PLXNA2: variants seen among roughly 807,000 people sequenced by gnomAD.
PLXNA2 encodes the protein plexin-A2.
Under a neutral mutation model 193.5 loss-of-function variants are expected in PLXNA2, and 91 were observed. That is an observed-to-expected ratio of 0.47 (90% CI 0.40 to 0.56). The LOEUF (loss-of-function observed/expected upper bound fraction) is 0.56, where lower values mean the gene tolerates loss of function less well. Among genes scored for constraint, PLXNA2 ranks in the 20% least tolerant of loss-of-function variants. The pLI is 0.00. For synonymous variants in PLXNA2, 997 were observed against 1,027.3 expected (o/e 0.97, Z 0.56); for missense variants, 1,995 against 2,503.2 (o/e 0.80, Z 4.33).
chr1:208,216,613 C>T (rs1671137424), intron 2 of PLXNA2, 122 bp downstream of exon 2: 1 of 1,182,222 alleles, frequency 8.5e-7, no homozygotes, highest in African/African-American at 1.5e-5. Context: ...TAACCTGAGT[C>T]TGAAAACCTC....
At chr1:208,235,734 C>A (rs945623186) in intron 1 of PLXNA2, among the ~76,000 whole-genome samples, 4 of 152,202 alleles carry the variant, frequency 2.6e-5, no homozygotes, top group African/African-American at 9.6e-5. Flanking sequence ...TCAACCATCT[C>A]AGTGGGGCCT....
intron 11 of PLXNA2, 93 bp from the exon 12 acceptor site, chr1:208,079,543 CTTCCCCACCATGG>C: frequency 1.1e-6 from 1 of 913,358 alleles, no homozygotes; most frequent in Non-Finnish European, 1.6e-6. Context: ...GATAGAAACT[CTTCCCCACCATGG>C]ATAACACCAC....
chr1:208,070,694 A>G (rs6673084), intron 12 of PLXNA2, among the ~76,000 whole-genome samples: 78,524 of 152,048 alleles, frequency 0.52, 20,796 homozygotes, highest in Non-Finnish European at 0.58. Context: ...CACTTCAAGA[A>G]AGTTATCAGA....
chr1:208,058,135 C>T (rs1665500720), intron 13 of PLXNA2, among the ~76,000 whole-genome samples: 1 of 152,188 alleles, frequency 6.6e-6, no homozygotes, highest in Non-Finnish European at 1.5e-5. Context: ...ACACATCTCA[C>T]ATCCATCCCG....
At position 208,217,824 on chromosome 1, in the gene PLXNA2, G is replaced by A. The variant is rs369063919; in HGVS notation, c.99C>T (p.Ala33=). The A allele has an allele frequency of 1.1e-5, 18 of 1,613,944 alleles. No individual in the cohort carries two copies. The highest frequency in any genetic ancestry group is 2.2e-5 in the East Asian group (1 of 44,890). The part of the protein sequence containing the change: ...VVWVLLAPPA[A]GMPQFSTFHS... The stretch of plus-strand genomic sequence containing the variant: ...GGAAGGTGCTGAACTGAGGCATGCC[G>A]GCTGCTGGGGGGGCCAGCAGCACCC... The change falls in exon 2 of 32, where the codon GCC becomes GCT. Residue 33 remains alanine, a synonymous_variant. Transcript: ENST00000367033. The surrounding 1 kb of genome is among the most constrained non-coding windows in gnomAD (Gnocchi z 4.7).
intron 3 of PLXNA2, among the ~76,000 whole-genome samples, chr1:208,196,429 T>G (rs927194662): frequency 6.6e-6 from 1 of 152,222 alleles, no homozygotes; most frequent in Non-Finnish European, 1.5e-5. Context: ...AAGCATGCAC[T>G]TACACAGAGT....
chr1:208,099,744 T>A (rs890506354), intron 5 of PLXNA2, among the ~76,000 whole-genome samples: 1 of 152,106 alleles, frequency 6.6e-6, no homozygotes, highest in African/African-American at 2.4e-5. Flanking sequence ...CTAATTTTTA[T>A]ATTTTTAGTA....
intron 13 of PLXNA2, among the ~76,000 whole-genome samples, chr1:208,059,025 C>A (rs1328301035): frequency 1.3e-5 from 2 of 152,184 alleles, no homozygotes; most frequent in Non-Finnish European, 1.5e-5. Context: ...TCACCCCATA[C>A]CCTAGCCCTT....
intron 3 of PLXNA2, among the ~76,000 whole-genome samples, chr1:208,150,893 T>C (rs1668741012): frequency 6.6e-6 from 1 of 152,176 alleles, no homozygotes; most frequent in Admixed American, 6.5e-5. Context: ...TTGGAGAATT[T>C]TGAACTCCAA....
intron 3 of PLXNA2, among the ~76,000 whole-genome samples, chr1:208,156,409 C>T (rs905510299): frequency 6.6e-6 from 1 of 151,782 alleles, no homozygotes; most frequent in Non-Finnish European, 1.5e-5. Flanking sequence ...TTGGACATGA[C>T]GCCAGGCATC....
At chr1:208,207,630 T>C (rs1484496498) in intron 3 of PLXNA2, among the ~76,000 whole-genome samples, 2 of 152,034 alleles carry the variant, frequency 1.3e-5, no homozygotes, top group Admixed American at 1.3e-4. Flanking sequence ...CTCTTAGCTA[T>C]TTTTTTTCTT....
At chr1:208,181,019 GA>G (rs1669825782) in intron 3 of PLXNA2, among the ~76,000 whole-genome samples, 1 of 152,234 alleles carries the variant, frequency 6.6e-6, no homozygotes, top group South Asian at 2.1e-4. Context: ...CACTCAGTGA[GA>G]AACCTCTAGT....
intron 12 of PLXNA2, among the ~76,000 whole-genome samples, chr1:208,076,175 C>T (rs766304086): frequency 1.3e-5 from 2 of 151,904 alleles, no homozygotes; most frequent in South Asian, 2.1e-4. Flanking sequence ...TCAAGTGATC[C>T]TCCCACCCCA....
At chr1:208,143,492 G>C (rs1400508701) in intron 3 of PLXNA2, among the ~76,000 whole-genome samples, 1 of 152,234 alleles carries the variant, frequency 6.6e-6, no homozygotes, top group African/African-American at 2.4e-5. Context: ...TCAAAGAAAA[G>C]AGGTCCCTAA....
At chr1:208,128,483 C>T (rs2102461473) in intron 4 of PLXNA2, among the ~76,000 whole-genome samples, 1 of 149,778 alleles carries the variant, frequency 6.7e-6, no homozygotes, top group South Asian at 2.1e-4. Flanking sequence ...GTTATCCCCA[C>T]TTTACAGAAG....
intron 29 of PLXNA2, chr1:208,029,538 C>T (rs772187093): frequency 5.0e-6 from 5 of 995,648 alleles, no homozygotes; most frequent in Non-Finnish European, 6.0e-6. Flanking sequence ...CAAGCTACTT[C>T]CCAGGGCTGG....
At chr1:208,140,915 A>ATATGTATGTGTG (rs1668438721) in intron 4 of PLXNA2, among the ~76,000 whole-genome samples, 1 of 152,190 alleles carries the variant, frequency 6.6e-6, no homozygotes, top group Non-Finnish European at 1.5e-5. Flanking sequence ...CTTTGTTCCC[A>ATATGTATGTGTG]ATAAATATGT....
At chr1:208,140,002 T>G (rs995092973) in intron 4 of PLXNA2, among the ~76,000 whole-genome samples, 3 of 152,190 alleles carry the variant, frequency 2.0e-5, no homozygotes, top group African/African-American at 7.2e-5. Context: ...GAGCTCCCCC[T>G]ACTAATATTT....
At chr1:208,124,239 G>A (rs1321467390) in intron 4 of PLXNA2, among the ~76,000 whole-genome samples, 5 of 152,166 alleles carry the variant, frequency 3.3e-5, no homozygotes, top group African/African-American at 9.7e-5. Context: ...AGGGAAGGGG[G>A]AGAGGAGCAG....
Sources: gnomAD v4.1 joint callset for allele counts (sites outside exome capture counted in the v4.1 genomes callset) on GRCh38, gnomAD v4.1.1 for gene constraint, Gnocchi (gnomAD v3.1) non-coding constraint, MANE v1.5 for transcripts, NCBI Gene and HGNC (gene_info 2026-07-23, HGNC 2026-07-21) for gene names.